The following SH2D4A variants were observed in gnomAD, a reference collection of about 807,000 sequenced individuals.
SH2D4A encodes the protein SH2 domain containing 4A.
Under a neutral mutation model 64.7 loss-of-function variants are expected in SH2D4A, and 70 were observed. The observed-to-expected ratio is 1.08, with a 90% CI of 0.89 to 1.32. SH2D4A has a LOEUF of 1.32. Among genes scored for constraint, SH2D4A ranks in the 40% most tolerant of loss-of-function variants. The probability of loss-of-function intolerance (pLI) is 0.00; values close to 1 mark genes in which losing one functional copy is unlikely to be tolerated. For missense variants in SH2D4A, 706 were observed against 540.1 expected, an observed-to-expected ratio of 1.31 and a Z score of -3.04; for synonymous variants, 268 against 200.7, an observed-to-expected ratio of 1.34 and a Z score of -2.83.
chr8:19,325,699 T>A lies in SH2D4A; in HGVS notation c.181+5971T>A, dbSNP rs78543954. Reference sequence around the variant, plus strand: ...TGCCCTCTGCTTCCCTAGGCTGTAGTGCCATGCAGGTTCCCCAACTTTCTT... The same window carrying A: ...TGCCCTCTGCTTCCCTAGGCTGTAGAGCCATGCAGGTTCCCCAACTTTCTT... On this transcript the variant is annotated intron_variant, in intron 2 of 9. Transcript: ENST00000265807. Among the ~76,000 whole-genome samples, 951 of 152,338 alleles carry A rather than the reference T, an allele frequency of 6.2e-3. 13 individuals carry two copies. Among genetic ancestry groups the A allele is most frequent in the African/African-American group, 0.021 (870 of 41,580 alleles).
intron 7 of SH2D4A, among the ~76,000 whole-genome samples, chr8:19,370,307 G>A (rs889614984): frequency 4.0e-5 from 6 of 151,828 alleles, no homozygotes; most frequent in Non-Finnish European, 7.4e-5. Context: ...ATTTTCTGTC[G>A]GTATGATCTG....
intron 2 of SH2D4A, among the ~76,000 whole-genome samples, chr8:19,325,326 T>G (rs2052259904): frequency 6.6e-6 from 1 of 152,240 alleles, no homozygotes; most frequent in Non-Finnish European, 1.5e-5. Flanking sequence ...TGATTTCATT[T>G]AATCCTCACA....
At chr8:19,382,663 C>T (rs2053314188) in intron 8 of SH2D4A, among the ~76,000 whole-genome samples, 1 of 151,994 alleles carries the variant, frequency 6.6e-6, no homozygotes, top group African/African-American at 2.4e-5. Flanking sequence ...CTGGGTTTAT[C>T]AGGATGTACT....
At chr8:19,357,335 C>G (rs57198252) in intron 5 of SH2D4A, 52 bp downstream of exon 5, 3 of 1,251,320 alleles carry the variant, frequency 2.4e-6, no homozygotes, top group African/African-American at 3.0e-5. Flanking sequence ...GGCATTTCCA[C>G]TAATGTTTCA....
intron 5 of SH2D4A, 59 bp from the exon 6 acceptor site, chr8:19,361,144 C>A: frequency 2.0e-6 from 2 of 1,022,174 alleles, no homozygotes; most frequent in South Asian, 1.6e-5. Context: ...GATTTGCTCA[C>A]CAAGGTTCTT....
In SH2D4A at chr8:19,394,759, CTGAAA is replaced by C; in HGVS notation, c.*118_*122del. ...CTGCAGCAGAGCCAATACTGATCAA[CTGAAA>C]GTAAAGTATCCATGGAGTCCTCATT... is the stretch of plus-strand genomic sequence containing the variant. On this transcript the variant is annotated 3_prime_UTR_variant, in exon 10 of 10. Transcript: ENST00000265807. 1.9e-6 allele frequency: 1 copy of C among 533,370 alleles called. No individual in the cohort carries two copies. The highest frequency in any genetic ancestry group is 3.1e-6 in the Non-Finnish European group (1 of 325,276). 33.0% of individuals were successfully genotyped at this position (533,370 alleles called of 1,614,324 possible).
intron 3 of SH2D4A, among the ~76,000 whole-genome samples, chr8:19,334,451 A>G (rs1171424324): frequency 6.6e-6 from 1 of 152,146 alleles, no homozygotes; most frequent in African/African-American, 2.4e-5. Context: ...ATGAATTACA[A>G]AATTTCTTGG....
chr8:19,388,509 C>T (rs2053428150), intron 8 of SH2D4A, among the ~76,000 whole-genome samples: 1 of 152,160 alleles, frequency 6.6e-6, no homozygotes, highest in South Asian at 2.1e-4. Context: ...CAAGTTTTCT[C>T]ACCAATTATT....
chr8:19,357,308 CG>C, intron 5 of SH2D4A, 25 bp downstream of exon 5: 3 of 1,531,964 alleles, frequency 2.0e-6, no homozygotes, highest in Non-Finnish European at 2.7e-6. Flanking sequence ...TTCTGTCCTC[CG>C]GGGGCTGCAT....
chr8:19,357,355 T>C, intron 5 of SH2D4A, 72 bp downstream of exon 5: 1 of 1,067,332 alleles, frequency 9.4e-7, no homozygotes, highest in Non-Finnish European at 1.4e-6. Context: ...ACAGATTAGT[T>C]AATTAATCTC....
At chr8:19,340,993 C>A (rs1311160355) in intron 4 of SH2D4A, among the ~76,000 whole-genome samples, 1 of 152,114 alleles carries the variant, frequency 6.6e-6, no homozygotes, top group East Asian at 1.9e-4. Context: ...CAATACAATA[C>A]CATTTCTTTT....
At chr8:19,344,897 C>T (rs1011741605) in intron 4 of SH2D4A, among the ~76,000 whole-genome samples, 2 of 152,128 alleles carry the variant, frequency 1.3e-5, no homozygotes, top group East Asian at 1.9e-4. Context: ...TAAATAGCCT[C>T]GTTAGTTCAA....
chr8:19,387,528 C>T (rs371927479), intron 8 of SH2D4A, among the ~76,000 whole-genome samples: 13 of 152,340 alleles, frequency 8.5e-5, no homozygotes, highest in African/African-American at 2.6e-4. Flanking sequence ...GCATGAGACA[C>T]GGCATCTGGC....
At chr8:19,393,855 G>C (rs1396275100) in intron 9 of SH2D4A, among the ~76,000 whole-genome samples, 2 of 152,178 alleles carry the variant, frequency 1.3e-5, no homozygotes, top group Non-Finnish European at 2.9e-5. Flanking sequence ...TGTGACACCA[G>C]TTTCCTGGAT....
intron 8 of SH2D4A, among the ~76,000 whole-genome samples, chr8:19,379,074 T>TTA (rs376998634): frequency 1.5e-5 from 2 of 133,412 alleles, no homozygotes; most frequent in African/African-American, 5.7e-5. Flanking sequence ...GACCCTGCCT[T>TTA]AAAAAAAAAA....
At position 19,337,334 on chromosome 8, in the gene SH2D4A, T is replaced by C. The variant is rs76957493; in HGVS notation, c.513+2477T>C. On this transcript the variant is annotated intron_variant, in intron 4 of 9. Coordinates refer to ENST00000265807, the MANE Select transcript of SH2D4A (RefSeq NM_022071.4). ...CTCGATGGTACATTTATATTTTTAT[T>C]GTAAGTTGTGTATATGTCACTATAG... Among the ~76,000 whole-genome samples the C allele has an allele frequency of 6.1e-3, 926 of 152,270 alleles. 10 individuals are homozygous for C. The highest frequency in any genetic ancestry group is 0.021 in the African/African-American group (882 of 41,562).
chr8:19,362,740 AAAAACAAAAC>A (rs888781113), intron 6 of SH2D4A, among the ~76,000 whole-genome samples: 2 of 152,292 alleles, frequency 1.3e-5, no homozygotes, highest in African/African-American at 2.4e-5. Context: ...ACTGAGTCTC[AAAAACAAAAC>A]AAAACAAAAC....
intron 6 of SH2D4A, among the ~76,000 whole-genome samples, chr8:19,362,972 GTCCT>G (rs1181278672): frequency 2.0e-5 from 3 of 152,078 alleles, no homozygotes; most frequent in Non-Finnish European, 2.9e-5. Flanking sequence ...GCAACTTCCA[GTCCT>G]GCAAGCTCCA....
At chr8:19,349,725 A>G (rs1035916559) in intron 4 of SH2D4A, among the ~76,000 whole-genome samples, 3 of 152,204 alleles carry the variant, frequency 2.0e-5, no homozygotes, top group African/African-American at 7.2e-5. Flanking sequence ...AAAGCATTAC[A>G]TATGATATGA....
Sources: gnomAD v4.1 joint callset for allele counts (sites outside exome capture counted in the v4.1 genomes callset) on GRCh38, gnomAD v4.1.1 for gene constraint, MANE v1.5 for transcripts, NCBI Gene and HGNC (gene_info 2026-07-23, HGNC 2026-07-21) for gene names.